The following ANXA8 variants were observed in gnomAD, a reference collection of about 807,000 sequenced individuals.
The protein encoded by ANXA8 is VAC-beta.
ANXA8 carries 9 observed loss-of-function variants against 26.8 expected under a neutral mutation model. That is an observed-to-expected ratio of 0.34 (90% CI 0.20 to 0.59). The LOEUF is 0.59. ANXA8 is among the 20% of genes least tolerant of loss of function. ANXA8 has a pLI of 0.84. For missense variants in ANXA8, 83 were observed against 238.5 expected, an observed-to-expected ratio of 0.35 and a Z score of 4.29; for synonymous variants, 39 against 94.8, an observed-to-expected ratio of 0.41 and a Z score of 3.42.
At chr10:47,672,821 T>A in the ANXA8 span, among the ~76,000 whole-genome samples, 1 of 151,938 alleles carries the variant, frequency 6.6e-6, no homozygotes, top group South Asian at 2.1e-4. Context: ...CCTCTTCAGA[T>A]GTACAAAATT....
the ANXA8 span, among the ~76,000 whole-genome samples, chr10:47,705,913 G>A: frequency 1.3e-5 from 2 of 149,548 alleles, no homozygotes; most frequent in African/African-American, 4.9e-5. Flanking sequence ...TCGCCCCGAC[G>A]CACCCCCCGC....
At chr10:47,681,185 C>T in the ANXA8 span, among the ~76,000 whole-genome samples, 4 of 151,592 alleles carry the variant, frequency 2.6e-5, no homozygotes, top group Admixed American at 6.6e-5. Flanking sequence ...CCTGAATGAA[C>T]GTTAAAGATA....
chr10:47,651,645 A>T, the ANXA8 span, among the ~76,000 whole-genome samples: 1 of 150,322 alleles, frequency 6.7e-6, no homozygotes, highest in Admixed American at 6.6e-5. Flanking sequence ...CTGAAATCCC[A>T]GCGCTTTGGA....
the ANXA8 span, among the ~76,000 whole-genome samples, chr10:47,627,675 T>C: frequency 8.0e-5 from 12 of 150,204 alleles, no homozygotes; most frequent in Non-Finnish European, 1.5e-4. Flanking sequence ...TTCCCTCATC[T>C]ATAAATTTGA....
chr10:47,741,593 A>C, the ANXA8 span, among the ~76,000 whole-genome samples: 1 of 99,592 alleles, frequency 1.0e-5, no homozygotes, highest in African/African-American at 3.6e-5. Context: ...GGAGACAAGA[A>C]GTAGTGGAAC....
the ANXA8 span, among the ~76,000 whole-genome samples, chr10:47,956,850 G>T: frequency 6.7e-6 from 1 of 150,190 alleles, no homozygotes; most frequent in East Asian, 2.1e-4. Flanking sequence ...GGAAGGAGAC[G>T]GCTCTGCTTC....
chr10:47,724,890 T>C, the ANXA8 span, among the ~76,000 whole-genome samples: 1 of 137,972 alleles, frequency 7.2e-6, no homozygotes, highest in South Asian at 2.3e-4. Flanking sequence ...TCTGTCTCTA[T>C]AGATTTGTCT....
chr10:47,660,403 CTTTT>C, the ANXA8 span, among the ~76,000 whole-genome samples: 1 of 147,392 alleles, frequency 6.8e-6, no homozygotes, highest in Non-Finnish European at 1.5e-5. Context: ...TTCTTTCTTT[CTTTT>C]TTTTTTTTAA....
chr10:47,673,844 A>G, the ANXA8 span, among the ~76,000 whole-genome samples: 1 of 149,668 alleles, frequency 6.7e-6, no homozygotes, highest in Non-Finnish European at 1.5e-5. Flanking sequence ...TATATTTGTT[A>G]TAATTAATGA....
the ANXA8 span, among the ~76,000 whole-genome samples, chr10:47,931,107 C>CTA: frequency 9.0e-6 from 1 of 111,594 alleles, no homozygotes; most frequent in African/African-American, 3.7e-5. Flanking sequence ...CTTCCAAAGC[C>CTA]TATGACTTAG....
chr10:47,560,379 G>A, the ANXA8 span, among the ~76,000 whole-genome samples: 1 of 151,772 alleles, frequency 6.6e-6, no homozygotes, highest in African/African-American at 2.4e-5. Flanking sequence ...AATGAAAAAA[G>A]TGATTTATGT....
At chr10:47,700,749 A>G in the ANXA8 span, among the ~76,000 whole-genome samples, 1 of 151,290 alleles carries the variant, frequency 6.6e-6, no homozygotes, top group East Asian at 1.9e-4. Flanking sequence ...ACATACAACA[A>G]AAGGCTAATA....
At chr10:47,685,674 T>C in the ANXA8 span, among the ~76,000 whole-genome samples, 4 of 151,468 alleles carry the variant, frequency 2.6e-5, no homozygotes, top group East Asian at 5.8e-4. Context: ...TGAAATTCTC[T>C]AGAGGTGTGT....
the ANXA8 span, among the ~76,000 whole-genome samples, chr10:47,585,726 T>C: frequency 9.4e-6 from 1 of 106,256 alleles, no homozygotes; most frequent in African/African-American, 4.1e-5. Flanking sequence ...ATATAAGGGA[T>C]TCGGGTTGCT....
the ANXA8 span, among the ~76,000 whole-genome samples, chr10:47,684,422 TTG>T: frequency 6.9e-5 from 9 of 129,852 alleles, no homozygotes; most frequent in African/African-American, 2.5e-4. Context: ...AAGTTTTTTT[TTG>T]GGGGGGGGGT....
the ANXA8 span, among the ~76,000 whole-genome samples, chr10:47,546,805 C>T: frequency 2.5e-4 from 34 of 135,974 alleles, 1 homozygote; most frequent in East Asian, 1.9e-3. Context: ...AGTTCTGTTT[C>T]TATCTTTCCA....
At chr10:47,495,092 G>A in the ANXA8 span, among the ~76,000 whole-genome samples, 46 of 150,416 alleles carry the variant, frequency 3.1e-4, no homozygotes, top group South Asian at 1.3e-3. Flanking sequence ...CTCCTATGAC[G>A]TCCTCCACTG....
chr10:47,974,237 G>T, the ANXA8 span, among the ~76,000 whole-genome samples: 1 of 149,164 alleles, frequency 6.7e-6, no homozygotes, highest in African/African-American at 2.4e-5. Flanking sequence ...TGCAAATGAA[G>T]ATGAATTGTA....
chr10:47,944,592 T>A, the ANXA8 span, among the ~76,000 whole-genome samples: 1 of 150,508 alleles, frequency 6.6e-6, no homozygotes, highest in Non-Finnish European at 1.5e-5. Flanking sequence ...TGGGGGCAGG[T>A]CTTTCCCATA....
Sources: allele counts gnomAD v4.1 joint callset (sites outside exome capture counted in the v4.1 genomes callset), GRCh38; gene constraint gnomAD v4.1.1; transcripts MANE v1.5; gene names NCBI Gene and HGNC (gene_info 2026-07-23, HGNC 2026-07-21).